The following CATSPERE variants were observed in gnomAD, a reference collection of about 807,000 sequenced individuals.
The protein encoded by CATSPERE is cation channel sperm-associated auxiliary subunit epsilon.
CATSPERE carries 93 observed loss-of-function variants against 114.1 expected under a neutral mutation model. That is an observed-to-expected ratio of 0.81 (90% confidence interval 0.69 to 0.97). The LOEUF (loss-of-function observed/expected upper bound fraction) is 0.97. Among genes scored for constraint, CATSPERE ranks in the 50% least tolerant of loss-of-function variants. The pLI is 0.00. For synonymous variants in CATSPERE, 341 were observed against 384.1 expected, an observed-to-expected ratio of 0.89 and a Z score of 1.31; for missense variants, 1,058 against 1,131.6, an observed-to-expected ratio of 0.93 and a Z score of 0.93.
At chr1:244,629,016 C>A (rs577341920) in intron 20 of CATSPERE, among the ~76,000 whole-genome samples, 16 of 152,328 alleles carry the variant, frequency 1.1e-4, no homozygotes, top group African/African-American at 3.8e-4. Flanking sequence ...ACCCAGGTTT[C>A]ATGGTTACTT....
intron 11 of CATSPERE, among the ~76,000 whole-genome samples, chr1:244,577,885 A>G (rs1665530350): frequency 6.6e-6 from 1 of 152,238 alleles, no homozygotes; most frequent in South Asian, 2.1e-4. Context: ...TACCAAAGGC[A>G]TATTTTCAAG....
chr1:244,592,401 T>A (rs1667849976), intron 15 of CATSPERE, among the ~76,000 whole-genome samples: 1 of 152,180 alleles, frequency 6.6e-6, no homozygotes, highest in African/African-American at 2.4e-5. Flanking sequence ...TTTACCTTTG[T>A]AAGATAAAGA....
intron 17 of CATSPERE, among the ~76,000 whole-genome samples, chr1:244,604,143 A>G (rs994971368): frequency 5.3e-5 from 8 of 152,246 alleles, no homozygotes; most frequent in Non-Finnish European, 2.9e-5. Flanking sequence ...ATGCCTGCAC[A>G]TGTGTGCATT....
At chr1:244,490,804 TTACTGA>T (rs1270700740) in intron 6 of CATSPERE, among the ~76,000 whole-genome samples, 1 of 152,166 alleles carries the variant, frequency 6.6e-6, no homozygotes, top group Non-Finnish European at 1.5e-5. Context: ...GCATCCATTC[TTACTGA>T]TATTTTTCTT....
At chr1:244,468,019 A>G (rs549480300) in intron 2 of CATSPERE, among the ~76,000 whole-genome samples, 20 of 151,352 alleles carry the variant, frequency 1.3e-4, no homozygotes, top group Middle Eastern at 3.4e-3. Flanking sequence ...TTATGTCTCT[A>G]ATAGAGTTTA....
At chr1:244,477,821 AT>A in intron 3 of CATSPERE, 84 bp from the exon 4 acceptor site, 1 of 1,189,790 alleles carries the variant, frequency 8.4e-7, no homozygotes, top group Non-Finnish European at 1.2e-6. Context: ...TACAATTGAA[AT>A]TTTTAGGCTT....
intron 11 of CATSPERE, among the ~76,000 whole-genome samples, chr1:244,576,126 C>A (rs1665228730): frequency 1.3e-5 from 2 of 152,052 alleles, no homozygotes; most frequent in Non-Finnish European, 2.9e-5. Flanking sequence ...CACAAGGTTA[C>A]CTGGTCCACG....
rs1313083244 is a variant in CATSPERE, at chr1:244,477,947, A to G, written c.230A>G (p.His77Arg). 1.2e-5 allele frequency: 20 copies of G among 1,608,202 alleles called. No individual in the cohort carries two copies. Among genetic ancestry groups the G allele is most frequent in the African/African-American group, 2.7e-5 (2 of 74,786 alleles). Reference protein sequence around the residue: ...TELRCSSPGVHAIKPIVTGPD... With the variant: ...TELRCSSPGVRAIKPIVTGPD... ...TTGCGTTGTTCCTCACCTGGTGTTC[A>G]CGCTATAAAACCAATTGTTACTGGC... Residue 77 changes from histidine to arginine, a missense_variant, in exon 4 of 22, where the codon CAC becomes CGC. Physicochemically the swap from His to Arg is conservative, Grantham distance 29. Coordinates refer to ENST00000366534, the MANE Select transcript of CATSPERE (RefSeq NM_001130957.2).
At chr1:244,626,955 T>C (rs1158389184) in intron 20 of CATSPERE, among the ~76,000 whole-genome samples, 1 of 152,256 alleles carries the variant, frequency 6.6e-6, no homozygotes, top group East Asian at 1.9e-4. Flanking sequence ...TGTGGCTAAC[T>C]GTCGGTGCAA....
chr1:244,551,577 G>A (rs1660634709), intron 8 of CATSPERE, among the ~76,000 whole-genome samples: 1 of 152,068 alleles, frequency 6.6e-6, no homozygotes, highest in African/African-American at 2.4e-5. Flanking sequence ...AATTTGAGAG[G>A]TGGAGAGAAG....
chr1:244,528,040 A>G (rs563236634), intron 8 of CATSPERE, among the ~76,000 whole-genome samples: 2 of 152,314 alleles, frequency 1.3e-5, no homozygotes, highest in South Asian at 4.1e-4. Flanking sequence ...TTTGCTGCAC[A>G]GATCATCCCA....
Position 244,556,978 on chromosome 1 carries a change from A to T in CATSPERE, c.1030-3690A>T, listed in dbSNP as rs578146463. 7.4e-4 allele frequency among the ~76,000 whole-genome samples: 113 copies of T among 151,936 alleles called. 1 individual carries two copies. Among genetic ancestry groups the T allele is most frequent in the African/African-American group, 2.6e-3 (109 of 41,430 alleles). On this transcript the variant is annotated intron_variant, in intron 9 of 21. Coordinates refer to ENST00000366534, the MANE Select transcript of CATSPERE (RefSeq NM_001130957.2). ...TTTCTCCACACCACTTATTGAAGAGACTCTTCTATCTGGATTGTGTTCTTT... is the reference window on the plus strand; with the variant it reads ...TTTCTCCACACCACTTATTGAAGAGTCTCTTCTATCTGGATTGTGTTCTTT...
chr1:244,497,912 G>A (rs1673379358), intron 6 of CATSPERE, among the ~76,000 whole-genome samples: 1 of 152,062 alleles, frequency 6.6e-6, no homozygotes, highest in African/African-American at 2.4e-5. Context: ...CATGAGGAAA[G>A]AAGAACTCTC....
At chr1:244,517,732 C>T (rs919789271) in intron 7 of CATSPERE, among the ~76,000 whole-genome samples, 2 of 150,882 alleles carry the variant, frequency 1.3e-5, no homozygotes, top group Non-Finnish European at 2.9e-5. Flanking sequence ...GAGATTGTGC[C>T]ATTGCACTCC....
At chr1:244,480,518 G>GT (rs1444421383) in intron 5 of CATSPERE, among the ~76,000 whole-genome samples, 1 of 152,124 alleles carries the variant, frequency 6.6e-6, no homozygotes, top group African/African-American at 2.4e-5. Context: ...TTTGTGTGAC[G>GT]TATATGGTCT....
At chr1:244,464,019 G>T in intron 2 of CATSPERE, 63 bp downstream of exon 2, 1 of 1,178,460 alleles carries the variant, frequency 8.5e-7, no homozygotes, top group South Asian at 1.3e-5. Flanking sequence ...TTAGAGCAGA[G>T]AGCAGAGTTA....
At chr1:244,556,477 A>T (rs1229964555) in intron 9 of CATSPERE, among the ~76,000 whole-genome samples, 2 of 151,582 alleles carry the variant, frequency 1.3e-5, no homozygotes, top group Non-Finnish European at 2.9e-5. Flanking sequence ...GTCAGATTGG[A>T]TTTTTTTTTA....
intron 20 of CATSPERE, among the ~76,000 whole-genome samples, chr1:244,624,250 C>T (rs1298435578): frequency 2.6e-5 from 4 of 151,110 alleles, no homozygotes; most frequent in African/African-American, 7.3e-5. Context: ...GGATTACAGG[C>T]GTGAGCCACC....
chr1:244,476,203 G>A (rs899717866), intron 2 of CATSPERE, among the ~76,000 whole-genome samples: 10 of 152,108 alleles, frequency 6.6e-5, no homozygotes, highest in Non-Finnish European at 1.5e-5. Flanking sequence ...ACTTTGGGAC[G>A]CTGAGGTAGG....
Sources: allele counts gnomAD v4.1 joint callset (sites outside exome capture counted in the v4.1 genomes callset), GRCh38; gene constraint gnomAD v4.1.1; transcripts MANE v1.5; gene names NCBI Gene and HGNC (gene_info 2026-07-23, HGNC 2026-07-21).